Variants in LRRC37A2 observed in about 807,000 individuals in gnomAD.
LRRC37A2 encodes the protein leucine rich repeat containing 37 member A2, also known as leucine-rich repeat-containing protein 37A2.
In LRRC37A2, 9 loss-of-function variants were observed where a neutral mutation model predicts 68.8. The observed-to-expected ratio is 0.13, with a 90% CI of 0.08 to 0.23. The LOEUF (loss-of-function observed/expected upper bound fraction) is 0.23. Ranked by LOEUF, LRRC37A2 falls within the 10% of genes least tolerant of loss-of-function variation. The pLI, the probability that LRRC37A2 is intolerant of heterozygous loss-of-function variation, is 1.00. For synonymous variants in LRRC37A2, 63 were observed against 367.6 expected (o/e 0.17, Z 9.48); for missense variants, 168 against 950.4 (o/e 0.18, Z 10.82).
chr17:46,785,004 C>G, the LRRC37A2 span, among the ~76,000 whole-genome samples: 1 of 152,114 alleles, frequency 6.6e-6, no homozygotes, highest in Non-Finnish European at 1.5e-5. Flanking sequence ...GTCTCGATCT[C>G]CTGACCTCGT....
chr17:46,923,400 C>G, the LRRC37A2 span: 1 of 1,454,954 alleles, frequency 6.9e-7, no homozygotes, highest in South Asian at 1.4e-5. Context: ...CAGCCACAGA[C>G]AGTGGGTTCA....
At chr17:46,495,673 C>T in the LRRC37A2 span, among the ~76,000 whole-genome samples, 1 of 150,798 alleles carries the variant, frequency 6.6e-6, no homozygotes, top group South Asian at 2.1e-4. Flanking sequence ...GCATGAGCCA[C>T]TGCGCCCAGC....
At chr17:46,857,656 T>C in the LRRC37A2 span, among the ~76,000 whole-genome samples, 7 of 152,100 alleles carry the variant, frequency 4.6e-5, no homozygotes, top group African/African-American at 1.4e-4. Context: ...ACTTATAGAA[T>C]TGGCATTTTT....
At chr17:46,781,761 TC>T in the LRRC37A2 span, among the ~76,000 whole-genome samples, 1 of 152,186 alleles carries the variant, frequency 6.6e-6, no homozygotes, top group Non-Finnish European at 1.5e-5. Context: ...GGTGCTTGCA[TC>T]CCCAGCCTTC....
the LRRC37A2 span, among the ~76,000 whole-genome samples, chr17:47,006,315 A>T: frequency 3.2e-4 from 48 of 152,288 alleles, no homozygotes; most frequent in East Asian, 7.7e-4. Flanking sequence ...AAAATAAAAT[A>T]AATTAATTAA....
chr17:46,778,790 T>C, the LRRC37A2 span, among the ~76,000 whole-genome samples: 1 of 151,742 alleles, frequency 6.6e-6, no homozygotes, highest in Non-Finnish European at 1.5e-5. Flanking sequence ...GAAGCACCTC[T>C]CCACTGCCCG....
chr17:47,015,863 A>C, the LRRC37A2 span, among the ~76,000 whole-genome samples: 6 of 152,208 alleles, frequency 3.9e-5, no homozygotes, highest in African/African-American at 1.4e-4. Flanking sequence ...AGAGGAAGTC[A>C]GCACTCATTT....
At chr17:46,773,517 G>A in the LRRC37A2 span, 9 of 877,946 alleles carry the variant, frequency 1.0e-5, no homozygotes, top group African/African-American at 1.7e-5. Flanking sequence ...CAGCGCCTGG[G>A]AAGGTGTGGC....
the LRRC37A2 span, among the ~76,000 whole-genome samples, chr17:46,810,570 C>A: frequency 2.0e-5 from 3 of 152,112 alleles, no homozygotes; most frequent in African/African-American, 7.2e-5. Flanking sequence ...TTATCATCAT[C>A]CAATTTGCAG....
At chr17:46,876,193 T>TG in the LRRC37A2 span, 1 of 1,511,624 alleles carries the variant, frequency 6.6e-7, no homozygotes, top group Non-Finnish European at 8.9e-7. Flanking sequence ...GGGCAGGCTC[T>TG]GGCTGCTGGG....
At chr17:46,938,563 G>C in the LRRC37A2 span, 2 of 1,613,292 alleles carry the variant, frequency 1.2e-6, no homozygotes, top group Admixed American at 3.3e-5. Context: ...AAAGCGACTT[G>C]ATGTTTGTTT....
chr17:46,875,287 G>C, the LRRC37A2 span: 1 of 1,614,168 alleles, frequency 6.2e-7, no homozygotes, highest in Non-Finnish European at 8.5e-7. Flanking sequence ...AAGTTTCTGA[G>C]CAACTTCCTG....
chr17:46,768,008 G>A, the LRRC37A2 span, among the ~76,000 whole-genome samples: 5 of 152,026 alleles, frequency 3.3e-5, no homozygotes, highest in African/African-American at 4.8e-5. The surrounding 1 kb of genome is among the most constrained non-coding windows in gnomAD (Gnocchi z 5.0). Context: ...GGCCGGTCTC[G>A]AACTCCTGAC....
At chr17:46,936,271 A>C in the LRRC37A2 span, 2 of 985,354 alleles carry the variant, frequency 2.0e-6, no homozygotes, top group Non-Finnish European at 2.4e-6. Context: ...AAAACAGTAG[A>C]GGCCTTTTAG....
chr17:46,733,780 G>A, the LRRC37A2 span, among the ~76,000 whole-genome samples: 1 of 152,250 alleles, frequency 6.6e-6, no homozygotes, highest in East Asian at 1.9e-4. Context: ...TACAAAAGAA[G>A]AATTACCACT....
chr17:46,749,620 C>G, the LRRC37A2 span, among the ~76,000 whole-genome samples: 1 of 152,168 alleles, frequency 6.6e-6, no homozygotes. Flanking sequence ...TCAGGATTTT[C>G]AGGAAAATCC....
chr17:46,931,122 A>G, the LRRC37A2 span: 6 of 1,605,650 alleles, frequency 3.7e-6, no homozygotes, highest in Non-Finnish European at 5.1e-6. Context: ...AATCCAAGCA[A>G]GCATAGACCA....
the LRRC37A2 span, among the ~76,000 whole-genome samples, chr17:46,981,198 G>A: frequency 6.6e-6 from 1 of 152,232 alleles, no homozygotes; most frequent in Non-Finnish European, 1.5e-5. Flanking sequence ...GGAGTGAAGG[G>A]ATTCGGGATG....
chr17:46,747,888 G>A, the LRRC37A2 span, among the ~76,000 whole-genome samples: 1 of 152,110 alleles, frequency 6.6e-6, no homozygotes, highest in Non-Finnish European at 1.5e-5. Context: ...GGAATTTCCA[G>A]TTTAGAAAGA....
Sources: allele counts gnomAD v4.1 joint callset (sites outside exome capture counted in the v4.1 genomes callset), GRCh38; gene constraint gnomAD v4.1.1; non-coding constraint Gnocchi (gnomAD v3.1); transcripts MANE v1.5; gene names NCBI Gene and HGNC (gene_info 2026-07-23, HGNC 2026-07-21).